The following SLC5A12 variants were observed in gnomAD, a reference collection of about 807,000 sequenced individuals.
SLC5A12 encodes the protein sodium-coupled monocarboxylate transporter 2.
In SLC5A12, 46 loss-of-function variants were observed where a neutral mutation model predicts 72.7. The ratio of observed to expected loss-of-function variants is 0.63; its 90% CI spans 0.50 to 0.81. The LOEUF is 0.81. Ranked by LOEUF, SLC5A12 falls within the 30% of genes least tolerant of loss-of-function variation. The pLI is 0.00. For missense variants in SLC5A12, 683 were observed against 740.7 expected (o/e 0.92, Z 0.90); for synonymous variants, 275 against 264.4 (o/e 1.04, Z -0.39).
At chr11:26,717,974 C>G (rs1300770173) in intron 1 of SLC5A12, among the ~76,000 whole-genome samples, 1 of 152,144 alleles carries the variant, frequency 6.6e-6, no homozygotes, top group Non-Finnish European at 1.5e-5. Flanking sequence ...GGCCTAGGCT[C>G]CAAGCTCACA....
chr11:26,709,544 TA>T (rs1855171901), intron 3 of SLC5A12, among the ~76,000 whole-genome samples, 165 bp from the exon 4 acceptor site: 1 of 152,136 alleles, frequency 6.6e-6, no homozygotes, highest in Admixed American at 6.6e-5. Flanking sequence ...CGAGAAAGAT[TA>T]TTTTTATTAT....
At chr11:26,681,423 T>G (rs1388783599) in intron 11 of SLC5A12, among the ~76,000 whole-genome samples, 1 of 152,172 alleles carries the variant, frequency 6.6e-6, no homozygotes, top group African/African-American at 2.4e-5. Context: ...GTTCTTTAAA[T>G]GAAGACATCA....
At chr11:26,709,229 A>C (rs1417809287) in intron 4 of SLC5A12, 83 bp downstream of exon 4, 2 of 986,964 alleles carry the variant, frequency 2.0e-6, no homozygotes, top group Admixed American at 2.1e-5. Flanking sequence ...ATTCTGCTAT[A>C]ATTAGATGCC....
chr11:26,681,416 C>T (rs1854410094), intron 11 of SLC5A12, among the ~76,000 whole-genome samples, 195 bp from the exon 12 acceptor site: 1 of 152,092 alleles, frequency 6.6e-6, no homozygotes, highest in Non-Finnish European at 1.5e-5. Flanking sequence ...GTGACTTGTT[C>T]TTTAAATGAA....
At position 26,689,504 on chromosome 11, in the gene SLC5A12, C is replaced by T. The variant is rs539725417; in HGVS notation, c.1154-2960G>A. ...GAAAAAATTGGAACAGTATTTGCCT[C>T]TGGAGGGTGAGTGAGAGAAAAGAAT... On this transcript the variant is annotated intron_variant, in intron 9 of 14. Transcript: ENST00000396005. Among the ~76,000 whole-genome samples the T allele has an allele frequency of 5.3e-5, 8 of 152,118 alleles. No homozygotes were observed. The South Asian group carries it at 1.7e-3, about 32-fold the overall frequency.
At chr11:26,723,194 A>C (rs1293259118), upstream of SLC5A12, 2 of 152,592 alleles carry the variant, frequency 1.3e-5, no homozygotes, top group African/African-American at 4.8e-5. Flanking sequence ...TAAAACAAAA[A>C]ACGCTCTAAT....
At chr11:26,720,935 G>A (rs531637135) in intron 1 of SLC5A12, among the ~76,000 whole-genome samples, 1 of 152,216 alleles carries the variant, frequency 6.6e-6, no homozygotes, top group African/African-American at 2.4e-5. Flanking sequence ...GAAAAAATTA[G>A]GTTCTCAGGT....
At chr11:26,703,974 T>C in intron 4 of SLC5A12, 27 bp from the exon 5 acceptor site, 1 of 1,612,106 alleles carries the variant, frequency 6.2e-7, no homozygotes, top group East Asian at 2.2e-5. Context: ...GTTTGAGTCC[T>C]TGAAAACAAA....
intron 13 of SLC5A12, among the ~76,000 whole-genome samples, chr11:26,673,853 T>C (rs34485299): frequency 0.11 from 16,033 of 152,218 alleles, 907 homozygotes; most frequent in Admixed American, 0.17. Flanking sequence ...ATGCAATTTC[T>C]TCCTTTAAAA....
intron 10 of SLC5A12, among the ~76,000 whole-genome samples, chr11:26,684,976 T>C (rs1464785369): frequency 1.3e-5 from 2 of 152,096 alleles, no homozygotes; most frequent in Admixed American, 6.6e-5. Flanking sequence ...GCTGTGTAGA[T>C]GGGTATATAT....
chr11:26,698,392 A>G lies in SLC5A12; in HGVS notation c.951+14T>C. On this transcript the variant is annotated intron_variant, in intron 7 of 14. Coordinates refer to ENST00000396005, the MANE Select transcript of SLC5A12 (RefSeq NM_178498.4). ...ATTCCAGACACTCGCCACTGTCCTC[A>G]AGAAAACCCATACCTGGTCTGGTGC... 1 of 1,612,554 alleles carries G rather than the reference A, an allele frequency of 6.2e-7. No individual in the cohort carries two copies. Among genetic ancestry groups the G allele is most frequent in the Middle Eastern group, 1.7e-4 (1 of 6,012 alleles).
intron 13 of SLC5A12, among the ~76,000 whole-genome samples, chr11:26,677,488 G>A (rs995799179): frequency 3.9e-5 from 6 of 152,126 alleles, no homozygotes; most frequent in African/African-American, 4.8e-5. Context: ...AGTGGTGACC[G>A]ATCACTAAAC....
At chr11:26,688,893 C>A (rs1014388040) in intron 9 of SLC5A12, among the ~76,000 whole-genome samples, 8 of 151,998 alleles carry the variant, frequency 5.3e-5, no homozygotes, top group African/African-American at 1.7e-4. Flanking sequence ...AAGACTTGTG[C>A]AAGAGTATTC....
intron 2 of SLC5A12, among the ~76,000 whole-genome samples, chr11:26,712,299 A>C (rs189243187): frequency 1.3e-5 from 2 of 152,188 alleles, no homozygotes; most frequent in African/African-American, 4.8e-5. Flanking sequence ...CAAACAAGTA[A>C]AAAAACAAAA....
chr11:26,692,850 A>G (rs544086759), intron 8 of SLC5A12, among the ~76,000 whole-genome samples: 1 of 152,228 alleles, frequency 6.6e-6, no homozygotes, highest in South Asian at 2.1e-4. Context: ...ATAATCTAAC[A>G]CCCACTAATT....
At chr11:26,720,091 G>A (rs1028974197) in intron 1 of SLC5A12, among the ~76,000 whole-genome samples, 2 of 152,114 alleles carry the variant, frequency 1.3e-5, no homozygotes, top group African/African-American at 4.8e-5. Context: ...TTTGTATTAT[G>A]ATTTTCTTAC....
intron 13 of SLC5A12, 36 bp from the exon 14 acceptor site, chr11:26,673,565 A>G (rs1259852393): frequency 6.4e-7 from 1 of 1,551,394 alleles, no homozygotes; most frequent in Admixed American, 1.9e-5. Context: ...AGATGGTTGC[A>G]GGCCTCCATG....
chr11:26,677,681 A>G (rs994109720), intron 13 of SLC5A12, among the ~76,000 whole-genome samples: 1 of 152,200 alleles, frequency 6.6e-6, no homozygotes, highest in Non-Finnish European at 1.5e-5. Context: ...ATTCTTTATC[A>G]TAGCCAAGAT....
chr11:26,703,445 C>T lies in SLC5A12; in HGVS notation c.821+86G>A, dbSNP rs918355442. 4.6e-5 allele frequency: 60 copies of T among 1,314,002 alleles called. No homozygotes were observed. In the African/African-American group the frequency reaches 1.2e-3, roughly 27 times the overall value. The allele number at this position is 1,314,002 out of a possible 1,614,324, so 81.4% of individuals were successfully genotyped here. A position where few individuals can be genotyped will look rare whatever the true frequency, so the allele number is the denominator to read the frequency against. ...ATACATACACACACACACACACACACACCCCCCAAGAGGAAGTATTAATAT... is the reference window on the plus strand; with the variant it reads ...ATACATACACACACACACACACACATACCCCCCAAGAGGAAGTATTAATAT... On this transcript the variant is annotated intron_variant, in intron 6 of 14. Transcript: ENST00000396005.
Sources: gnomAD v4.1 joint callset for allele counts (sites outside exome capture counted in the v4.1 genomes callset) on GRCh38, gnomAD v4.1.1 for gene constraint, MANE v1.5 for transcripts, NCBI Gene and HGNC (gene_info 2026-07-23, HGNC 2026-07-21) for gene names.